TMEM132D: variants seen among roughly 807,000 people sequenced by gnomAD.
The protein encoded by TMEM132D is transmembrane protein 132D.
Under a neutral mutation model 62.3 loss-of-function variants are expected in TMEM132D, and 21 were observed. The observed-to-expected ratio is 0.34, with a 90% CI of 0.24 to 0.49. The LOEUF (loss-of-function observed/expected upper bound fraction) is 0.49, where lower values mean the gene tolerates loss of function less well. TMEM132D is among the 20% of genes least tolerant of loss of function. The pLI is 0.99. For missense variants in TMEM132D, 1,346 were observed against 1,402.8 expected, an observed-to-expected ratio of 0.96 and a Z score of 0.65; for synonymous variants, 621 against 575.6, an observed-to-expected ratio of 1.08 and a Z score of -1.13.
intron 4 of TMEM132D, among the ~76,000 whole-genome samples, chr12:129,282,202 C>T (rs1881175181): frequency 6.6e-6 from 1 of 152,200 alleles, no homozygotes; most frequent in Non-Finnish European, 1.5e-5. Flanking sequence ...GCAGCTACTA[C>T]TTGTCTCAAC....
At chr12:129,713,078 T>A (rs1029198345) in intron 1 of TMEM132D, among the ~76,000 whole-genome samples, 11 of 152,100 alleles carry the variant, frequency 7.2e-5, no homozygotes, top group African/African-American at 2.7e-4. Flanking sequence ...GGGAACTATG[T>A]TCAAGCCACG....
intron 2 of TMEM132D, among the ~76,000 whole-genome samples, chr12:129,606,952 G>A (rs1428552648): frequency 1.3e-5 from 2 of 152,110 alleles, no homozygotes; most frequent in East Asian, 1.9e-4. Flanking sequence ...GATTTCCAAC[G>A]AACATTTATT....
rs755658327 is a variant in TMEM132D at position 129,074,247 on chromosome 12, A to G, written c.2928T>C (p.Asn976=). Residue 976 remains asparagine, a synonymous_variant, in exon 9 of 9, where the codon AAT becomes AAC. Transcript: ENST00000422113. The part of the protein sequence containing the change: ...GLSNRTELLE[N]HINFASSQDE... ...CTTGCGAGGAGGCAAAGTTGATGTGATTCTCCAACAGCTCTGTCCGGTTGC... is the reference window on the plus strand; with the variant it reads ...CTTGCGAGGAGGCAAAGTTGATGTGGTTCTCCAACAGCTCTGTCCGGTTGC... The G allele has an allele frequency of 3.7e-6, 6 of 1,613,920 alleles. No individual in the cohort carries two copies. The African/African-American group carries it at 8.0e-5, about 22-fold the overall frequency.
At chr12:129,686,705 C>A (rs1322443690) in intron 2 of TMEM132D, among the ~76,000 whole-genome samples, 1 of 152,208 alleles carries the variant, frequency 6.6e-6, no homozygotes, top group Non-Finnish European at 1.5e-5. Flanking sequence ...CACAAGCACT[C>A]CCTGGGAGAA....
At chr12:129,327,565 C>G (rs376923647) in intron 4 of TMEM132D, among the ~76,000 whole-genome samples, 6 of 152,200 alleles carry the variant, frequency 3.9e-5, no homozygotes, top group Admixed American at 1.3e-4. Context: ...TTTCACTGGA[C>G]AGTGTCTAGT....
intron 3 of TMEM132D, among the ~76,000 whole-genome samples, chr12:129,340,729 C>T (rs1482068946): frequency 6.6e-6 from 1 of 152,162 alleles, no homozygotes; most frequent in Non-Finnish European, 1.5e-5. Context: ...TGGGTTGGTT[C>T]CATTACTGGG....
chr12:129,117,252 G>A (rs1875922457), intron 5 of TMEM132D, among the ~76,000 whole-genome samples: 1 of 151,964 alleles, frequency 6.6e-6, no homozygotes, highest in Non-Finnish European at 1.5e-5. Context: ...ACTGATAGCT[G>A]GTTGCTAGGG....
At position 129,081,619 on chromosome 12, in the gene TMEM132D, T is replaced by G. The variant is rs146344111; in HGVS notation, c.1923+140A>C. 4.5e-4 allele frequency: 581 copies of G among 1,284,604 alleles called. 1 individual carries two copies. The African/African-American group carries it at 8.1e-3, about 18-fold the overall frequency. The allele number at this position is 1,284,604 out of a possible 1,614,324, so 79.6% of individuals were successfully genotyped here. A position where few individuals can be genotyped will look rare whatever the true frequency, so the allele number is the denominator to read the frequency against. The stretch of plus-strand genomic sequence containing the variant: ...AGCCAAAATCGCTTGTATTGCTTAC[T>G]CCACAATTTCTTTGAATTTACCCAT... On this transcript the variant is annotated intron_variant, in intron 7 of 8. Coordinates refer to ENST00000422113, the MANE Select transcript of TMEM132D (RefSeq NM_133448.3).
Position 129,782,896 on chromosome 12 carries a change from C to T in TMEM132D, c.80-82198G>A, listed in dbSNP as rs556397889. 7.0e-4 allele frequency among the ~76,000 whole-genome samples: 107 copies of T among 152,286 alleles called. 1 individual carries two copies. The highest frequency in any genetic ancestry group is 2.4e-3 in the African/African-American group (100 of 41,572). ...GCACCTTAACACTTTTTTTCCTTCT[C>T]AATATTCTGAGGAGGAGACAGGCTC... On this transcript the variant is annotated intron_variant, in intron 1 of 8. Transcript: ENST00000422113.
rs754537377 is a variant in TMEM132D at position 129,074,328 on chromosome 12, C to A, written c.2847G>T (p.Gln949His). The A allele has an allele frequency of 1.9e-6, 3 of 1,613,966 alleles. No homozygotes were observed. Among genetic ancestry groups the A allele is most frequent in the East Asian group, 4.5e-5 (2 of 44,886 alleles). Residue 949 changes from glutamine to histidine, a missense_variant, in exon 9 of 9, where the codon CAG becomes CAT. Physicochemically the swap from Gln to His is conservative, Grantham distance 24 (BLOSUM62 0). Coordinates refer to ENST00000422113, the MANE Select transcript of TMEM132D (RefSeq NM_133448.3). The stretch of plus-strand genomic sequence containing the variant: ...TCCCTTCCTGCTCCTCGAAGGGAAC[C>A]TGTTTGTGTCTGTATTTTAATGCAA... ...VTFALKYRHK[Q>H]VPFEEQEGMS...
At chr12:129,180,024 T>A (rs1399720174) in intron 5 of TMEM132D, among the ~76,000 whole-genome samples, 2 of 132,896 alleles carry the variant, frequency 1.5e-5, no homozygotes, top group Non-Finnish European at 3.3e-5. Flanking sequence ...CAAGACTCCA[T>A]CTCAAAAAGA....
At chr12:129,141,190 A>G (rs1404403516) in intron 5 of TMEM132D, among the ~76,000 whole-genome samples, 1 of 152,196 alleles carries the variant, frequency 6.6e-6, no homozygotes, top group Non-Finnish European at 1.5e-5. Context: ...TGATGTCCTC[A>G]GCTTGTGTGA....
At chr12:129,498,518 C>T (rs964475367) in intron 3 of TMEM132D, among the ~76,000 whole-genome samples, 7 of 152,118 alleles carry the variant, frequency 4.6e-5, no homozygotes, top group African/African-American at 9.7e-5. Context: ...CCTCCTAAAG[C>T]GCTGGGATTA....
rs1405265796 is a variant in TMEM132D at position 129,827,445 on chromosome 12, A to G, written c.79+75816T>C. Among the ~76,000 whole-genome samples, 1 of 152,196 alleles carries G rather than the reference A, an allele frequency of 6.6e-6. No homozygotes were observed. Among genetic ancestry groups the G allele is most frequent in the African/African-American group, 2.4e-5 (1 of 41,456 alleles). Reference sequence around the variant, plus strand: ...TTCTTCTCCCTTCCATGGTCCTCATATAAGCAAGGAGTAGAATTTGCAAAA... The same window carrying G: ...TTCTTCTCCCTTCCATGGTCCTCATGTAAGCAAGGAGTAGAATTTGCAAAA... On this transcript the variant is annotated intron_variant, in intron 1 of 8. Transcript: ENST00000422113. This position sits in a 1 kb window ranked among gnomAD's most constrained non-coding sequence, Gnocchi z 9.7.
chr12:129,829,218 A>G (rs1872756221), intron 1 of TMEM132D, among the ~76,000 whole-genome samples: 1 of 152,160 alleles, frequency 6.6e-6, no homozygotes, highest in Non-Finnish European at 1.5e-5. Context: ...AAATGAAAAA[A>G]AAGAAAACCA....
At chr12:129,751,578 C>T (rs1272154125) in intron 1 of TMEM132D, among the ~76,000 whole-genome samples, 1 of 152,148 alleles carries the variant, frequency 6.6e-6, no homozygotes, top group South Asian at 2.1e-4. Flanking sequence ...AGGACCCTGC[C>T]CTTAAGTTGT....
intron 2 of TMEM132D, among the ~76,000 whole-genome samples, chr12:129,608,693 G>T (rs1878690738): frequency 6.6e-6 from 1 of 152,176 alleles, no homozygotes; most frequent in Admixed American, 6.5e-5. Flanking sequence ...AAATATCAAA[G>T]TTGATGAAGC....
intron 5 of TMEM132D, among the ~76,000 whole-genome samples, chr12:129,105,283 T>C (rs1411487250): frequency 6.9e-5 from 10 of 145,324 alleles, no homozygotes; most frequent in Non-Finnish European, 1.3e-4. Context: ...CTCAGTAAAC[T>C]ATCGTAAGAA....
At chr12:129,719,723 C>T (rs1402280281) in intron 1 of TMEM132D, among the ~76,000 whole-genome samples, 1 of 152,234 alleles carries the variant, frequency 6.6e-6, no homozygotes, top group Non-Finnish European at 1.5e-5. Context: ...GCCTTCAGCT[C>T]CGCAGTGAAG....
Sources: gnomAD v4.1 joint callset for allele counts (sites outside exome capture counted in the v4.1 genomes callset) on GRCh38, gnomAD v4.1.1 for gene constraint, Gnocchi (gnomAD v3.1) non-coding constraint, MANE v1.5 for transcripts, NCBI Gene and HGNC (gene_info 2026-07-23, HGNC 2026-07-21) for gene names.